Variants in HS3ST4 observed in about 807,000 individuals in gnomAD.
The protein encoded by HS3ST4 is heparan sulfate-glucosamine 3-sulfotransferase 4.
Under a neutral mutation model 29.2 loss-of-function variants are expected in HS3ST4, and 17 were observed. The ratio of observed to expected loss-of-function variants is 0.58; its 90% confidence interval spans 0.40 to 0.87. The LOEUF is 0.87. Ranked by LOEUF, HS3ST4 falls within the 40% of genes least tolerant of loss-of-function variation. The pLI is 0.00. For synonymous variants in HS3ST4, 314 were observed against 285.7 expected (o/e 1.10, Z -1.00); for missense variants, 627 against 634.5 (o/e 0.99, Z 0.13).
intron 1 of HS3ST4, among the ~76,000 whole-genome samples, chr16:26,087,104 CTGTT>C (rs1338580932): frequency 1.3e-5 from 2 of 152,192 alleles, no homozygotes; most frequent in Non-Finnish European, 2.9e-5. Context: ...GGTTCCACCT[CTGTT>C]TGTTATTGTG....
chr16:25,912,342 G>T (rs1968249611), intron 1 of HS3ST4, among the ~76,000 whole-genome samples: 1 of 152,124 alleles, frequency 6.6e-6, no homozygotes, highest in Non-Finnish European at 1.5e-5. Flanking sequence ...CATCCTAGAA[G>T]ACTTTTTACC....
intron 1 of HS3ST4, among the ~76,000 whole-genome samples, chr16:26,034,332 C>T (rs546710371): frequency 2.6e-5 from 4 of 152,260 alleles, no homozygotes; most frequent in Middle Eastern, 3.4e-3. Context: ...CATCTACCAC[C>T]GAAGCCTGAC....
intron 1 of HS3ST4, among the ~76,000 whole-genome samples, chr16:25,781,982 C>T (rs1966853039): frequency 6.6e-6 from 1 of 152,028 alleles, no homozygotes; most frequent in Admixed American, 6.5e-5. Context: ...CTGCCCAAGA[C>T]TGGGTAATTT....
chr16:25,935,429 A>G lies in HS3ST4; in HGVS notation c.735-200183A>G, dbSNP rs117331493. On this transcript the variant is annotated intron_variant, in intron 1 of 1. Coordinates refer to ENST00000331351, the MANE Select transcript of HS3ST4 (RefSeq NM_006040.3). The stretch of plus-strand genomic sequence containing the variant: ...TGTGTCCATCATTATAGCATCACAC[A>G]GAGTATTTTCAGTGTCCTAAAAATC... 3.0e-3 allele frequency among the ~76,000 whole-genome samples: 461 copies of G among 152,340 alleles called. 4 individuals are homozygous for G. The highest frequency in any genetic ancestry group is 6.9e-3 in the Admixed American group (106 of 15,302).
At chr16:26,077,106 G>A (rs1047486152) in intron 1 of HS3ST4, among the ~76,000 whole-genome samples, 23 of 152,176 alleles carry the variant, frequency 1.5e-4, no homozygotes, top group African/African-American at 5.3e-4. Flanking sequence ...ACAGTCCATG[G>A]TGCCTCACTC....
rs374453184 is a variant in HS3ST4, at chr16:25,903,257, G to A, written c.734+210106G>A. ...GATAAGAACTGAAGTTGTTTTACAG[G>A]AAGATGAAGAATATACGTGTGTGTG... is the stretch of plus-strand genomic sequence containing the variant. On this transcript the variant is annotated intron_variant, in intron 1 of 1. Coordinates refer to ENST00000331351, the MANE Select transcript of HS3ST4 (RefSeq NM_006040.3). Among the ~76,000 whole-genome samples the A allele has an allele frequency of 2.4e-4, 34 of 142,696 alleles. 1 individual carries two copies. The highest frequency in any genetic ancestry group is 8.2e-4 in the African/African-American group (31 of 38,026). The allele number at this position is 142,696 out of a possible 152,430, so 93.6% of individuals were successfully genotyped here. A position where few individuals can be genotyped will look rare whatever the true frequency, so the allele number is the denominator to read the frequency against.
chr16:25,914,348 G>A (rs1968270969), intron 1 of HS3ST4, among the ~76,000 whole-genome samples: 1 of 151,342 alleles, frequency 6.6e-6, no homozygotes, highest in Non-Finnish European at 1.5e-5. Flanking sequence ...TATGTATGTG[G>A]GGTGTGTATG....
chr16:25,874,667 A>G (rs1330599568), intron 1 of HS3ST4, among the ~76,000 whole-genome samples: 5 of 152,164 alleles, frequency 3.3e-5, no homozygotes, highest in African/African-American at 1.2e-4. Context: ...TTCCATCCAG[A>G]AAATGTTTAA....
At chr16:25,810,821 A>G (rs780048608) in intron 1 of HS3ST4, among the ~76,000 whole-genome samples, 1 of 152,218 alleles carries the variant, frequency 6.6e-6, no homozygotes, top group Non-Finnish European at 1.5e-5. Flanking sequence ...TGCATCACAT[A>G]GTTTTCAATT....
intron 1 of HS3ST4, among the ~76,000 whole-genome samples, chr16:26,006,362 A>G (rs1002934789): frequency 6.8e-6 from 1 of 147,820 alleles, no homozygotes; most frequent in Non-Finnish European, 1.5e-5. Flanking sequence ...GTTTGCAGAT[A>G]TTGTTTTTCA....
At chr16:25,887,971 A>G (rs563102533) in intron 1 of HS3ST4, among the ~76,000 whole-genome samples, 1 of 152,204 alleles carries the variant, frequency 6.6e-6, no homozygotes, top group East Asian at 1.9e-4. Context: ...TGTTGGGATT[A>G]TAGGCATGAG....
chr16:26,123,677 T>C (rs893999900), intron 1 of HS3ST4, among the ~76,000 whole-genome samples: 2 of 152,146 alleles, frequency 1.3e-5, no homozygotes, highest in Non-Finnish European at 2.9e-5. Context: ...TGTCCAAGCC[T>C]TCCCCCAAAG....
chr16:26,040,226 C>T (rs1969623156), intron 1 of HS3ST4, among the ~76,000 whole-genome samples: 1 of 151,694 alleles, frequency 6.6e-6, no homozygotes, highest in Admixed American at 6.6e-5. Flanking sequence ...TAGATTCTCT[C>T]CCCCTTTGAC....
chr16:25,914,834 A>T lies in HS3ST4; in HGVS notation c.735-220778A>T, dbSNP rs558733104. Among the ~76,000 whole-genome samples the T allele has an allele frequency of 1.4e-4, 21 of 152,110 alleles. 1 individual carries two copies. In the South Asian group the frequency reaches 4.4e-3, roughly 32 times the overall value. ...GAGAAACAGGGAGCCCTGGAGGCTCATGAAGGAAATCATCTAAAGGAGTAT... is the reference window on the plus strand; with the variant it reads ...GAGAAACAGGGAGCCCTGGAGGCTCTTGAAGGAAATCATCTAAAGGAGTAT... On this transcript the variant is annotated intron_variant, in intron 1 of 1. Coordinates refer to ENST00000331351, the MANE Select transcript of HS3ST4 (RefSeq NM_006040.3).
chr16:26,036,511 C>T (rs1352750526), intron 1 of HS3ST4, among the ~76,000 whole-genome samples: 3 of 152,188 alleles, frequency 2.0e-5, no homozygotes, highest in Non-Finnish European at 2.9e-5. Flanking sequence ...CACCCACCTG[C>T]CCTGGATTTT....
At chr16:25,740,647 A>C (rs1162398990) in intron 1 of HS3ST4, among the ~76,000 whole-genome samples, 1 of 152,174 alleles carries the variant, frequency 6.6e-6, no homozygotes, top group Admixed American at 6.5e-5. Flanking sequence ...TAAAAGAATG[A>C]TCACTTCTTT....
chr16:25,867,023 A>G (rs1312298236), intron 1 of HS3ST4, among the ~76,000 whole-genome samples: 1 of 152,162 alleles, frequency 6.6e-6, no homozygotes, highest in Non-Finnish European at 1.5e-5. Context: ...CACCCAATTC[A>G]CATAAAGGAA....
At chr16:25,987,507 G>A (rs1175407669) in intron 1 of HS3ST4, among the ~76,000 whole-genome samples, 1 of 152,214 alleles carries the variant, frequency 6.6e-6, no homozygotes, top group Admixed American at 6.5e-5. Flanking sequence ...ATGGCTGGCT[G>A]AAGTTTGCAT....
At chr16:25,756,606 C>A (rs1966760252) in intron 1 of HS3ST4, among the ~76,000 whole-genome samples, 2 of 152,124 alleles carry the variant, frequency 1.3e-5, no homozygotes, top group African/African-American at 4.8e-5. Flanking sequence ...TCAATATTGA[C>A]CACAAACCTT....
Sources: allele counts gnomAD v4.1 joint callset (sites outside exome capture counted in the v4.1 genomes callset), GRCh38; gene constraint gnomAD v4.1.1; transcripts MANE v1.5; gene names NCBI Gene and HGNC (gene_info 2026-07-23, HGNC 2026-07-21).